Variants in UPP2 observed in about 807,000 individuals in gnomAD.
UPP2 encodes the protein uridine phosphorylase 2, also known as UPase 2.
UPP2 carries 23 observed loss-of-function variants against 26.7 expected under a neutral mutation model. The ratio of observed to expected loss-of-function variants is 0.86; its 90% CI spans 0.62 to 1.22. The LOEUF (loss-of-function observed/expected upper bound fraction) is 1.22, where lower values mean the gene tolerates loss of function less well. Among genes scored for constraint, UPP2 ranks in the 50% most tolerant of loss-of-function variants. UPP2 has a pLI of 0.00. For missense variants in UPP2, 387 were observed against 396.7 expected, an observed-to-expected ratio of 0.98 and a Z score of 0.21; for synonymous variants, 127 against 141.3, an observed-to-expected ratio of 0.90 and a Z score of 0.72.
chr2:158,069,829 G>A (rs891724032), intron 3 of UPP2, among the ~76,000 whole-genome samples: 3 of 152,124 alleles, frequency 2.0e-5, no homozygotes, highest in Admixed American at 6.5e-5. Flanking sequence ...ATCAAGTTCT[G>A]GAGGCTGGAA....
rs1214479068 is a variant in UPP2, at chr2:158,106,109, G to A, written c.73G>A (p.Val25Ile). Residue 25 changes from valine (V) to isoleucine (I), a missense_variant, in exon 2 of 7, where the codon GTT becomes ATT. Coordinates refer to ENST00000005756, the MANE Select transcript of UPP2 (RefSeq NM_173355.4). ...AATTTTTTTTTCCAGAAAAAGGTTT[G>A]TTCACGTTAAAAATCCTTACTTGGA... ...DRNTYVGKRF[V>I]HVKNPYLDLM... 1 of 1,588,588 alleles carries A rather than the reference G, an allele frequency of 6.3e-7. No individual in the cohort carries two copies. The highest frequency in any genetic ancestry group is 8.5e-7 in the Non-Finnish European group (1 of 1,171,602).
intron 3 of UPP2, among the ~76,000 whole-genome samples, chr2:158,071,135 A>C (rs1008008226): frequency 3.9e-5 from 6 of 152,158 alleles, no homozygotes; most frequent in Admixed American, 1.3e-4. Context: ...GCAAGTCCTA[A>C]TGCTGGGCTA....
intron 3 of UPP2, among the ~76,000 whole-genome samples, chr2:158,065,254 A>G (rs545039798): frequency 8.6e-4 from 131 of 152,308 alleles, no homozygotes; most frequent in African/African-American, 3.1e-3. Context: ...ATTGTCCTGG[A>G]CACAGAAGTG....
At chr2:158,124,196 A>C (rs867637035) in intron 6 of UPP2, among the ~76,000 whole-genome samples, 2 of 152,188 alleles carry the variant, frequency 1.3e-5, no homozygotes, top group South Asian at 2.1e-4. Flanking sequence ...TTACAATTGA[A>C]TTTATTGAGA....
intron 2 of UPP2, among the ~76,000 whole-genome samples, chr2:158,008,168 CTT>C (rs919447674): frequency 4.7e-4 from 72 of 152,194 alleles, no homozygotes; most frequent in African/African-American, 1.6e-3. Context: ...TTTAAAAAGA[CTT>C]TGTGTGTTTT....
chr2:158,075,537 T>G (rs1428930584), intron 3 of UPP2, among the ~76,000 whole-genome samples: 1 of 151,994 alleles, frequency 6.6e-6, no homozygotes, highest in African/African-American at 2.4e-5. Context: ...CAAGTTGAAT[T>G]TTGACAACTG....
upstream of UPP2, among the ~76,000 whole-genome samples, chr2:158,099,433 AAGG>A (rs1398528288): frequency 1.6e-4 from 25 of 152,140 alleles, no homozygotes; most frequent in African/African-American, 5.8e-4. Context: ...CCCGCCAAAG[AAGG>A]AGGAGATGTG....
chr2:158,122,547 T>G (rs374769176), intron 5 of UPP2, among the ~76,000 whole-genome samples: 2 of 152,110 alleles, frequency 1.3e-5, no homozygotes, highest in Non-Finnish European at 2.9e-5. Flanking sequence ...CTCACTGATA[T>G]GTTAAAGCAG....
At chr2:158,073,730 C>G (rs1682581306) in intron 3 of UPP2, among the ~76,000 whole-genome samples, 1 of 152,242 alleles carries the variant, frequency 6.6e-6, no homozygotes, top group Non-Finnish European at 1.5e-5. Context: ...TAGAACATAT[C>G]CAATGAAAAT....
chr2:158,039,177 G>T (rs576909184), intron 3 of UPP2, among the ~76,000 whole-genome samples: 1 of 152,292 alleles, frequency 6.6e-6, no homozygotes, highest in Non-Finnish European at 1.5e-5. Flanking sequence ...AAGGGGGCCT[G>T]GGTGTACCCT....
chr2:158,054,610 GA>G (rs1477449749), intron 3 of UPP2, among the ~76,000 whole-genome samples: 3 of 152,116 alleles, frequency 2.0e-5, no homozygotes, highest in African/African-American at 7.2e-5. Context: ...TGACTTTTGA[GA>G]ATCTGGTGTG....
At chr2:158,061,610 G>C (rs897419837) in intron 3 of UPP2, among the ~76,000 whole-genome samples, 35 of 152,200 alleles carry the variant, frequency 2.3e-4, no homozygotes, top group African/African-American at 8.0e-4. Flanking sequence ...TGGTGGGACT[G>C]GCACAGGGGG....
At chr2:158,127,026 TACTA>T (rs1683707853) in intron 6 of UPP2, among the ~76,000 whole-genome samples, 1 of 152,246 alleles carries the variant, frequency 6.6e-6, no homozygotes, top group South Asian at 2.1e-4. Context: ...AGAACCATTG[TACTA>T]ACTTAGATGA....
intron 3 of UPP2, among the ~76,000 whole-genome samples, chr2:158,059,833 T>C (rs1682325517): frequency 6.6e-6 from 1 of 152,140 alleles, no homozygotes; most frequent in Admixed American, 6.5e-5. Context: ...AAGTTCAATG[T>C]TCTATCTGGA....
At chr2:158,088,880 G>A (rs139503344) in intron 3 of UPP2, among the ~76,000 whole-genome samples, 1 of 152,332 alleles carries the variant, frequency 6.6e-6, no homozygotes, top group African/African-American at 2.4e-5. Flanking sequence ...CTCTGGTGGA[G>A]GTGGCAGGGG....
chr2:158,074,000 C>T (rs905092404), intron 3 of UPP2, among the ~76,000 whole-genome samples: 2 of 152,026 alleles, frequency 1.3e-5, no homozygotes, highest in Non-Finnish European at 2.9e-5. Flanking sequence ...TGCAGTGAGA[C>T]CTTGTCTCTC....
intron 2 of UPP2, among the ~76,000 whole-genome samples, chr2:158,009,791 C>A (rs1574243498): frequency 6.6e-6 from 1 of 152,232 alleles, no homozygotes; most frequent in South Asian, 2.1e-4. Flanking sequence ...TGGGCATTCT[C>A]CTGCGGGCTG....
At chr2:158,029,921 C>A (rs10755053) in intron 3 of UPP2, among the ~76,000 whole-genome samples, 97,670 of 151,878 alleles carry the variant, frequency 0.64, 32,462 homozygotes, top group Admixed American at 0.78. Flanking sequence ...GCAGGCATGG[C>A]AATTTGACAC....
At chr2:158,040,811 A>G (rs1684072564) in intron 3 of UPP2, among the ~76,000 whole-genome samples, 1 of 152,222 alleles carries the variant, frequency 6.6e-6, no homozygotes, top group Non-Finnish European at 1.5e-5. Context: ...TGGTGGCTAT[A>G]GTAGGATAAG....
Sources: allele counts gnomAD v4.1 joint callset (sites outside exome capture counted in the v4.1 genomes callset), GRCh38; gene constraint gnomAD v4.1.1; transcripts MANE v1.5; gene names NCBI Gene and HGNC (gene_info 2026-07-23, HGNC 2026-07-21).